Variants in TAOK1 observed in about 807,000 individuals in gnomAD.
TAOK1 encodes serine/threonine-protein kinase TAO1.
A neutral mutation model predicts 138.3 loss-of-function variants in TAOK1; 21 were observed. That is an observed-to-expected ratio of 0.15 (90% confidence interval 0.11 to 0.22). The LOEUF is 0.22. TAOK1 is among the 10% of genes least tolerant of loss of function. The probability of loss-of-function intolerance (pLI) is 1.00; values close to 1 mark genes in which losing one functional copy is unlikely to be tolerated. For synonymous variants in TAOK1, 361 were observed against 398.4 expected (o/e 0.91, Z 1.12); for missense variants, 651 against 1,227.7 (o/e 0.53, Z 7.02).
chr17:29,516,252 C>T (rs1419049517), intron 15 of TAOK1, among the ~76,000 whole-genome samples: 7 of 151,988 alleles, frequency 4.6e-5, no homozygotes, highest in Non-Finnish European at 7.4e-5. Context: ...TGAGCCACCG[C>T]GCCCAGCCAA....
At chr17:29,402,678 G>A (rs2320954) in intron 1 of TAOK1, among the ~76,000 whole-genome samples, 98,034 of 151,840 alleles carry the variant, frequency 0.65, 33,513 homozygotes, top group East Asian at 0.97. Context: ...ATATAGATTT[G>A]ATTTAATTGA....
chr17:29,457,089 C>CTTTTT (rs548221652), intron 2 of TAOK1, among the ~76,000 whole-genome samples: 113 of 107,404 alleles, frequency 1.1e-3, no homozygotes, highest in Non-Finnish European at 1.4e-3. Context: ...TTTTCTTTTT[C>CTTTTT]TTTTTTTTTT....
In TAOK1 at chr17:29,505,659, G is replaced by A. The variant is rs373799140; in HGVS notation, c.1339-2237G>A. 5.3e-4 allele frequency among the ~76,000 whole-genome samples: 81 copies of A among 151,874 alleles called. 1 individual carries two copies. The South Asian group carries it at 0.011, about 21-fold the overall frequency. On this transcript the variant is annotated intron_variant, in intron 13 of 19. Transcript: ENST00000261716. ...GGAGGTTGCAGTGAGCTGAGATTGC[G>A]CCATTGCACTCCAGCCTGGGGGACA... is the stretch of plus-strand genomic sequence containing the variant.
At chr17:29,465,235 C>T (rs2153025460) in intron 2 of TAOK1, among the ~76,000 whole-genome samples, 1 of 141,714 alleles carries the variant, frequency 7.1e-6, no homozygotes, top group East Asian at 2.1e-4. Context: ...CTCACTGCAA[C>T]CTCTGCCTGC....
Position 29,551,359 on chromosome 17 carries a change from T to C in TAOK1, c.*8337T>C, listed in dbSNP as rs1381466085. 6.6e-6 allele frequency: 1 copy of C among 152,214 alleles called. No homozygotes were observed. Among genetic ancestry groups the C allele is most frequent in the African/African-American group, 2.4e-5 (1 of 41,448 alleles). 9.4% of individuals were successfully genotyped at this position (152,214 alleles called of 1,614,324 possible). A position where few individuals can be genotyped will look rare whatever the true frequency, so the allele number is the denominator to read the frequency against. On this transcript the variant is annotated 3_prime_UTR_variant, in exon 20 of 20. Transcript: ENST00000261716. ...TCCTTTTTTGGCAGCCTTCATCTTC[T>C]CATCTCCCAAACCCCCTGAGCCCGT...
intron 1 of TAOK1, among the ~76,000 whole-genome samples, chr17:29,401,431 G>A (rs1904836487): frequency 6.6e-6 from 1 of 152,134 alleles, no homozygotes; most frequent in Non-Finnish European, 1.5e-5. Context: ...GAGGGAGAGT[G>A]TGCATGTGTG....
chr17:29,445,508 C>G (rs1298576826), intron 1 of TAOK1: 1 of 152,094 alleles, frequency 6.6e-6, no homozygotes, highest in Non-Finnish European at 1.5e-5. Context: ...TAAAGATGTT[C>G]CTTTCTATTC....
chr17:29,477,590 T>G (rs2153026603), intron 4 of TAOK1, 71 bp from the exon 5 acceptor site: 2 of 903,848 alleles, frequency 2.2e-6, no homozygotes, highest in East Asian at 8.4e-5. Context: ...TGTGTGAACT[T>G]ATTTTATCTT....
In TAOK1 at chr17:29,551,189, CAG is replaced by C. The variant is rs1044966952; in HGVS notation, c.*8168_*8169del. The stretch of plus-strand genomic sequence containing the variant: ...ATGTATTTTAGTTATTCCCACAAGT[CAG>C]GGGTCCAGATAAAATGAGGGTTATC... On this transcript the variant is annotated 3_prime_UTR_variant, in exon 20 of 20. Transcript: ENST00000261716. 2.6e-5 allele frequency: 4 copies of C among 152,134 alleles called. No homozygotes were observed. The highest frequency in any genetic ancestry group is 5.9e-5 in the Non-Finnish European group (4 of 68,020). The allele number at this position is 152,134 out of a possible 1,614,324, so 9.4% of individuals were successfully genotyped here.
intron 1 of TAOK1, among the ~76,000 whole-genome samples, chr17:29,399,733 G>A (rs1331857856): frequency 3.3e-5 from 5 of 151,812 alleles, no homozygotes; most frequent in Non-Finnish European, 5.9e-5. Flanking sequence ...CTTAATGGGA[G>A]TTTTTTTCTT....
intron 1 of TAOK1, among the ~76,000 whole-genome samples, chr17:29,442,065 T>A (rs189702832): frequency 6.6e-6 from 1 of 152,052 alleles, no homozygotes; most frequent in Non-Finnish European, 1.5e-5. Flanking sequence ...TTGTTTGTTT[T>A]TTTTTGAGAC....
chr17:29,390,834 C>CA lies in TAOK1; in HGVS notation c.-284dup, dbSNP rs1904395298. On this transcript the variant is annotated 5_prime_UTR_variant, in exon 1 of 20. Transcript: ENST00000261716. The stretch of plus-strand genomic sequence containing the variant: ...CCGGTCGTCCCCTCGCCCCCCCCCC[C>CA]ACCCCCCGCCGCCGCCGCCCCTTGT... 6.6e-6 allele frequency: 1 copy of CA among 150,792 alleles called. No individual in the cohort carries two copies. Among genetic ancestry groups the CA allele is most frequent in the South Asian group, 2.1e-4 (1 of 4,784 alleles). 9.3% of individuals were successfully genotyped at this position (150,792 alleles called of 1,614,324 possible). A position where few individuals can be genotyped will look rare whatever the true frequency, so the allele number is the denominator to read the frequency against.
intron 17 of TAOK1, among the ~76,000 whole-genome samples, chr17:29,529,078 C>G (rs1180112968): frequency 6.6e-6 from 1 of 150,986 alleles, no homozygotes; most frequent in Non-Finnish European, 1.5e-5. Context: ...CTCAAGTGAT[C>G]CTTCTGCCTC....
chr17:29,450,072 C>T (rs1245660486), intron 1 of TAOK1, among the ~76,000 whole-genome samples: 1 of 151,658 alleles, frequency 6.6e-6, no homozygotes, highest in Non-Finnish European at 1.5e-5. Context: ...CTTTTTATTT[C>T]CTTTTTCCTT....
chr17:29,510,881 T>C lies in TAOK1; in HGVS notation c.1593T>C (p.Asn531=). ...TCATATAGGCTAAAGTGATGTCCAATGAAGAGAAAAAATTTCAGCAACATA... is the reference window on the plus strand; with the variant it reads ...TCATATAGGCTAAAGTGATGTCCAACGAAGAGAAAAAATTTCAGCAACATA... ...AMEKEAKVMS[N]EEKKFQQHIQ... Residue 531 remains asparagine (N), a synonymous_variant, in exon 15 of 20, where the codon AAT becomes AAC. Coordinates refer to ENST00000261716, the MANE Select transcript of TAOK1 (RefSeq NM_020791.4). 1.2e-6 allele frequency: 2 copies of C among 1,603,592 alleles called. No individual in the cohort carries two copies. The highest frequency in any genetic ancestry group is 2.2e-5 in the East Asian group (1 of 44,450).
Position 29,549,622 on chromosome 17 carries a change from A to C in TAOK1, c.*6600A>C, listed in dbSNP as rs2032458049. 1 of 152,172 alleles carries C rather than the reference A, an allele frequency of 6.6e-6. No homozygotes were observed. Among genetic ancestry groups the C allele is most frequent in the African/African-American group, 2.4e-5 (1 of 41,448 alleles). 9.4% of individuals were successfully genotyped at this position (152,172 alleles called of 1,614,324 possible). ...TGAATTATGTGACTTTAAAGGATGT[A>C]ACTGCCCAACATTTGCAGATTCTGG... On this transcript the variant is annotated 3_prime_UTR_variant, in exon 20 of 20. Coordinates refer to ENST00000261716, the MANE Select transcript of TAOK1 (RefSeq NM_020791.4).
intron 15 of TAOK1, among the ~76,000 whole-genome samples, chr17:29,516,223 A>G (rs186948895): frequency 6.6e-6 from 1 of 152,118 alleles, no homozygotes; most frequent in Admixed American, 6.6e-5. Context: ...TGCCTCCCAA[A>G]GTGCTGGGAT....
In TAOK1 at chr17:29,467,165, T is replaced by G. The variant is rs1287976071; in HGVS notation, c.153T>G (p.Asn51Lys). The change falls in exon 3 of 20, where the codon AAT becomes AAG. Residue 51 changes from asparagine (N) to lysine (K), a missense_variant. Coordinates refer to ENST00000261716, the MANE Select transcript of TAOK1 (RefSeq NM_020791.4). ...TTTAGGCACGAGATGTGCGTACCAATGAAGTGGTGGCCATCAAGAAAATGT... is the reference window on the plus strand; with the variant it reads ...TTTAGGCACGAGATGTGCGTACCAAGGAAGTGGTGGCCATCAAGAAAATGT... ...AVYFARDVRT[N>K]EVVAIKKMSY... 1 of 1,604,534 alleles carries G rather than the reference T, an allele frequency of 6.2e-7. No homozygotes were observed. Among genetic ancestry groups the G allele is most frequent in the Non-Finnish European group, 8.5e-7 (1 of 1,174,094 alleles).
rs76584698 is a variant in TAOK1 at position 29,544,052 on chromosome 17, C to T, written c.*1030C>T. ...TACTTTGTTTGTACAAAAACAAAGACATATAGCCAATACAAATCAAATGCC... is the reference window on the plus strand; with the variant it reads ...TACTTTGTTTGTACAAAAACAAAGATATATAGCCAATACAAATCAAATGCC... On this transcript the variant is annotated 3_prime_UTR_variant, in exon 20 of 20. Coordinates refer to ENST00000261716, the MANE Select transcript of TAOK1 (RefSeq NM_020791.4). The T allele has an allele frequency of 6.6e-6, 1 of 152,602 alleles. No homozygotes were observed. Among genetic ancestry groups the T allele is most frequent in the Non-Finnish European group, 1.5e-5 (1 of 68,022 alleles). 9.5% of individuals were successfully genotyped at this position (152,602 alleles called of 1,614,324 possible). A position where few individuals can be genotyped will look rare whatever the true frequency, so the allele number is the denominator to read the frequency against.
Sources: allele counts gnomAD v4.1 joint callset (sites outside exome capture counted in the v4.1 genomes callset), GRCh38; gene constraint gnomAD v4.1.1; transcripts MANE v1.5; gene names NCBI Gene and HGNC (gene_info 2026-07-23, HGNC 2026-07-21).